Variants in ERMP1 observed in about 807,000 individuals in gnomAD.
ERMP1 encodes the protein Felix-ina.
ERMP1 carries 86 observed loss-of-function variants against 92.0 expected under a neutral mutation model. The ratio of observed to expected loss-of-function variants is 0.93; its 90% CI spans 0.79 to 1.12. The LOEUF is 1.12. Among genes scored for constraint, ERMP1 ranks in the 50% most tolerant of loss-of-function variants. The pLI is 0.00. For synonymous variants in ERMP1, 530 were observed against 412.8 expected, an observed-to-expected ratio of 1.28 and a Z score of -3.44; for missense variants, 1,342 against 1,116.3, an observed-to-expected ratio of 1.20 and a Z score of -2.88.
rs918582922 is a variant in ERMP1 at position 5,801,845 on chromosome 9, A to T, written c.1915-517T>A. Among the ~76,000 whole-genome samples, 3 of 152,378 alleles carry T rather than the reference A, an allele frequency of 2.0e-5. No individual in the cohort carries two copies. The South Asian group carries it at 6.2e-4, about 32-fold the overall frequency. On this transcript the variant is annotated intron_variant, in intron 10 of 14. Transcript: ENST00000339450. The stretch of plus-strand genomic sequence containing the variant: ...AGAGGAAAAACTGCATTACAAAGTA[A>T]TATTATCCCTCTAAGTGACAAATTA...
At chr9:5,820,877 G>A (rs910841786) in intron 4 of ERMP1, among the ~76,000 whole-genome samples, 2 of 152,176 alleles carry the variant, frequency 1.3e-5, no homozygotes, top group African/African-American at 2.4e-5. Context: ...CACAAGAAGC[G>A]CAGTCTTTTG....
chr9:5,788,782 G>A lies in ERMP1; in HGVS notation c.2387-1189C>T, dbSNP rs183448196. On this transcript the variant is annotated intron_variant, in intron 13 of 14. Coordinates refer to ENST00000339450, the MANE Select transcript of ERMP1 (RefSeq NM_024896.3). ...ACAAATATATCCATACAAACATTTG[G>A]GGATATTTAAAACCCCACCATGAAT... 1.1e-4 allele frequency among the ~76,000 whole-genome samples: 16 copies of A among 152,042 alleles called. 1 individual carries two copies. In the East Asian group the frequency reaches 1.7e-3, roughly 16 times the overall value.
chr9:5,809,055 G>GCTGT (rs1416345237), intron 8 of ERMP1, among the ~76,000 whole-genome samples: 1 of 150,482 alleles, frequency 6.6e-6, no homozygotes, highest in Non-Finnish European at 1.5e-5. Flanking sequence ...ACAGAATCTC[G>GCTGT]CTGTCGCCCC....
chr9:5,850,989 G>A (rs1163940888), intron 6 of ERMP1, among the ~76,000 whole-genome samples: 1 of 152,104 alleles, frequency 6.6e-6, no homozygotes, highest in Non-Finnish European at 1.5e-5. Flanking sequence ...CCCCATCCAG[G>A]AACTGCCCAT....
intron 6 of ERMP1, among the ~76,000 whole-genome samples, chr9:5,848,900 G>A (rs866472635): frequency 6.6e-6 from 1 of 152,292 alleles, no homozygotes; most frequent in East Asian, 1.9e-4. Flanking sequence ...TGAAAGAGGA[G>A]GGACCTATGT....
intron 7 of ERMP1, among the ~76,000 whole-genome samples, chr9:5,810,789 A>G (rs1459181367): frequency 6.6e-6 from 1 of 152,228 alleles, no homozygotes. Flanking sequence ...ACTTCGTGAC[A>G]CTGGTCCATA....
intron 4 of ERMP1, among the ~76,000 whole-genome samples, chr9:5,823,377 A>G (rs1043620056): frequency 1.3e-5 from 2 of 152,226 alleles, no homozygotes; most frequent in African/African-American, 4.8e-5. Context: ...TGTTACATAC[A>G]CTACAGGTAA....
chr9:5,859,580 AATG>A (rs1830433250), exon 6 of ERMP1, among the ~76,000 whole-genome samples: 1 of 152,236 alleles, frequency 6.6e-6, no homozygotes, highest in Non-Finnish European at 1.5e-5. Flanking sequence ...AAGTTCAGGG[AATG>A]AGAAAGACCT....
At chr9:5,804,121 T>C (rs1828778797) in intron 10 of ERMP1, among the ~76,000 whole-genome samples, 2 of 152,162 alleles carry the variant, frequency 1.3e-5, no homozygotes, top group South Asian at 2.1e-4. Context: ...ATCATCTCCA[T>C]GAAGAAAAGA....
intron 4 of ERMP1, among the ~76,000 whole-genome samples, chr9:5,819,425 T>C (rs1190801393): frequency 6.6e-6 from 1 of 152,138 alleles, no homozygotes; most frequent in Non-Finnish European, 1.5e-5. Flanking sequence ...ACCACAACCT[T>C]GCATAAAGGC....
At chr9:5,859,219 C>G (rs559609962) in intron 6 of ERMP1, among the ~76,000 whole-genome samples, 2 of 152,190 alleles carry the variant, frequency 1.3e-5, no homozygotes, top group Admixed American at 6.5e-5. Context: ...ACGGGATCTT[C>G]TCTGTTCTAA....
At chr9:5,856,412 G>C (rs576896979) in intron 6 of ERMP1, 1 of 174,746 alleles carries the variant, frequency 5.7e-6, no homozygotes, top group Admixed American at 6.5e-5. Context: ...CCATGTGCAG[G>C]AGTTTGGAAG....
chr9:5,852,657 A>T (rs1830324184), intron 6 of ERMP1, among the ~76,000 whole-genome samples: 1 of 150,584 alleles, frequency 6.6e-6, no homozygotes, highest in Non-Finnish European at 1.5e-5. Context: ...GAGAATGTTC[A>T]TTAAAAAAAA....
intron 5 of ERMP1, among the ~76,000 whole-genome samples, chr9:5,861,730 T>TTG (rs1156395665): frequency 2.8e-5 from 4 of 145,244 alleles, no homozygotes; most frequent in African/African-American, 5.1e-5. Flanking sequence ...TTTTTTTTTT[T>TTG]TTTTTTTTTT....
At chr9:5,815,911 A>G in intron 4 of ERMP1, among the ~76,000 whole-genome samples, 1 of 152,210 alleles carries the variant, frequency 6.6e-6, no homozygotes. Flanking sequence ...ACGAGATCTT[A>G]TCATATTAAA....
chr9:5,805,916 G>C, intron 8 of ERMP1, 131 bp from the exon 9 acceptor site: 1 of 650,438 alleles, frequency 1.5e-6, no homozygotes, highest in Non-Finnish European at 2.5e-6. Flanking sequence ...TCTTTAAACT[G>C]ATTTAAAGTA....
At position 5,805,641 on chromosome 9, in the gene ERMP1, G is replaced by A. The variant is rs748295882; in HGVS notation, c.1693C>T (p.Leu565Phe). Residue 565 changes from leucine to phenylalanine, a missense_variant, in exon 9 of 15, where the codon CTC becomes TTC. Coordinates refer to ENST00000339450, the MANE Select transcript of ERMP1 (RefSeq NM_024896.3). ...VWVAFPLLTK[L>F]CVHKDFKQHG... is the part of the protein sequence containing the mutation. ...TGCTTGAAGTCCTTATGCACACAGA[G>A]CTTTGTGAGCAATGGGAATGCTACC... 6 of 1,607,944 alleles carry A rather than the reference G, an allele frequency of 3.7e-6. No homozygotes were observed. In the South Asian group the frequency reaches 6.7e-5, roughly 18 times the overall value.
chr9:5,799,554 C>G (rs1231412081), intron 11 of ERMP1, among the ~76,000 whole-genome samples: 1 of 152,164 alleles, frequency 6.6e-6, no homozygotes, highest in African/African-American at 2.4e-5. Context: ...CTGCATAGGG[C>G]AGGAGCCGGC....
At chr9:5,850,849 G>T (rs1757329735) in intron 6 of ERMP1, among the ~76,000 whole-genome samples, 1 of 152,166 alleles carries the variant, frequency 6.6e-6, no homozygotes, top group Admixed American at 6.5e-5. Flanking sequence ...TAGCCTTCTG[G>T]CCATGTCCTA....
Sources: allele counts gnomAD v4.1 joint callset (sites outside exome capture counted in the v4.1 genomes callset), GRCh38; gene constraint gnomAD v4.1.1; transcripts MANE v1.5; gene names NCBI Gene and HGNC (gene_info 2026-07-23, HGNC 2026-07-21).